Variants in EFR3B observed in about 807,000 individuals in gnomAD.
EFR3B encodes protein EFR3 homolog B.
A neutral mutation model predicts 104.7 loss-of-function variants in EFR3B; 64 were observed. The ratio of observed to expected loss-of-function variants is 0.61; its 90% CI spans 0.50 to 0.75. The LOEUF is 0.75. Among genes scored for constraint, EFR3B ranks in the 30% least tolerant of loss-of-function variants. The pLI is 0.00. For missense variants in EFR3B, 750 were observed against 1,078.5 expected, an observed-to-expected ratio of 0.70 and a Z score of 4.27; for synonymous variants, 385 against 417.9, an observed-to-expected ratio of 0.92 and a Z score of 0.96.
At position 25,145,035 on chromosome 2, in the gene EFR3B, G is replaced by C. The variant is rs1245535011; in HGVS notation, c.2126G>C (p.Ser709Thr). ...CAGGTGGAGGTAGAATCGAGGAACA[G>C]TCCGGAGAAGGAGGAGGTGAGTGTC... Reference protein sequence around the residue: ...SLQVEVESRNSPEKEERVPAE... With the variant: ...SLQVEVESRNTPEKEERVPAE... The change falls in exon 19 of 23, where the codon AGT (serine) becomes ACT (threonine). Residue 709 changes from serine (S) to threonine (T), a missense_variant. Physicochemically the swap from Ser to Thr is moderately conservative, Grantham distance 58. Transcript: ENST00000403714. 1 of 1,551,670 alleles carries C rather than the reference G, an allele frequency of 6.4e-7. No homozygotes were observed. Among genetic ancestry groups the C allele is most frequent in the African/African-American group, 1.4e-5 (1 of 73,066 alleles).
At chr2:25,076,357 CTGA>C (rs1031230084) in intron 1 of EFR3B, among the ~76,000 whole-genome samples, 10 of 152,042 alleles carry the variant, frequency 6.6e-5, no homozygotes, top group Admixed American at 3.9e-4. Flanking sequence ...CATAGTAATA[CTGA>C]TGATGATGAT....
In EFR3B at chr2:25,091,355, C is replaced by T; in HGVS notation, c.38C>T (p.Pro13Leu). Residue 13 changes from proline (P) to leucine (L), a missense_variant, in exon 2 of 23, where the codon CCC (proline) becomes CTC (leucine). Coordinates refer to ENST00000403714, the MANE Select transcript of EFR3B (RefSeq NM_014971.2). ...TGTGGCTGCTGTGGTGCCCTACGCC[C>T]CAGGTACAAAAGGCTGGTTGACAAC... The part of the protein sequence containing the change: ...GVCGCCGALR[P>L]RYKRLVDNIF... 1.3e-6 allele frequency: 2 copies of T among 1,550,018 alleles called. No individual in the cohort carries two copies. The highest frequency in any genetic ancestry group is 2.5e-5 in the East Asian group (1 of 40,648).
intron 4 of EFR3B, among the ~76,000 whole-genome samples, chr2:25,116,479 C>T (rs1050732992): frequency 6.6e-6 from 1 of 152,030 alleles, no homozygotes; most frequent in Non-Finnish European, 1.5e-5. Context: ...CAAAAATTAT[C>T]CAGGTGTGGT....
At chr2:25,071,549 G>C (rs2384078) in intron 1 of EFR3B, among the ~76,000 whole-genome samples, 28,455 of 152,100 alleles carry the variant, frequency 0.19, 2,842 homozygotes, top group East Asian at 0.25. Flanking sequence ...GTGAGCCACT[G>C]CACCCAGCCA....
chr2:25,100,744 G>A (rs1169368075), intron 3 of EFR3B, among the ~76,000 whole-genome samples: 3 of 152,106 alleles, frequency 2.0e-5, no homozygotes, highest in African/African-American at 7.2e-5. Flanking sequence ...TGCCCGCCTC[G>A]GCCTCCCAAA....
intron 4 of EFR3B, among the ~76,000 whole-genome samples, chr2:25,107,230 C>T (rs981223539): frequency 2.0e-5 from 3 of 152,134 alleles, no homozygotes; most frequent in African/African-American, 7.2e-5. Flanking sequence ...CAGATAGCCC[C>T]CAAGACCAGA....
intron 1 of EFR3B, among the ~76,000 whole-genome samples, chr2:25,079,680 G>A (rs1193935209): frequency 1.3e-5 from 2 of 152,110 alleles, no homozygotes; most frequent in Non-Finnish European, 2.9e-5. Flanking sequence ...AAGCAAATAA[G>A]ACTGGTTGCA....
chr2:25,120,970 CG>C (rs1361244665), intron 4 of EFR3B, among the ~76,000 whole-genome samples: 1 of 151,498 alleles, frequency 6.6e-6, no homozygotes, highest in Admixed American at 6.6e-5. Context: ...GGTGTGATCT[CG>C]GCTCACTACA....
chr2:25,047,443 A>G (rs886662619), intron 1 of EFR3B, among the ~76,000 whole-genome samples: 4 of 151,572 alleles, frequency 2.6e-5, no homozygotes, highest in Non-Finnish European at 4.4e-5. Context: ...AGCTGCCCCC[A>G]CTTTCCCTTC....
chr2:25,104,487 G>T (rs572349214), intron 4 of EFR3B, among the ~76,000 whole-genome samples: 12 of 152,152 alleles, frequency 7.9e-5, no homozygotes, highest in African/African-American at 2.9e-4. Context: ...TTTACTAATA[G>T]AATTTTTCCC....
At chr2:25,064,451 G>A (rs1668277951) in intron 1 of EFR3B, among the ~76,000 whole-genome samples, 1 of 152,164 alleles carries the variant, frequency 6.6e-6, no homozygotes, top group East Asian at 1.9e-4. Flanking sequence ...CTTTTTATAG[G>A]CTGCCTGCTG....
At chr2:25,128,069 T>G (rs1670214849) in intron 5 of EFR3B, 114 bp from the exon 6 acceptor site, 1 of 1,259,254 alleles carries the variant, frequency 7.9e-7, no homozygotes, top group African/African-American at 1.5e-5. Context: ...CATTCTGCCT[T>G]CTGATGGACA....
At chr2:25,091,731 TTGAG>T (rs1220886578) in intron 2 of EFR3B, among the ~76,000 whole-genome samples, 12 of 152,288 alleles carry the variant, frequency 7.9e-5, no homozygotes, top group African/African-American at 2.6e-4. Flanking sequence ...TGCTAACTCT[TTGAG>T]TGATCGTAGC....
chr2:25,115,040 A>G (rs1669820469), intron 4 of EFR3B, among the ~76,000 whole-genome samples: 1 of 152,182 alleles, frequency 6.6e-6, no homozygotes, highest in Non-Finnish European at 1.5e-5. Context: ...AATTAGCCGG[A>G]CATTGTGGCA....
intron 4 of EFR3B, among the ~76,000 whole-genome samples, chr2:25,117,327 C>CAG (rs1669889890): frequency 6.6e-6 from 1 of 152,100 alleles, no homozygotes; most frequent in Admixed American, 6.5e-5. Flanking sequence ...GTGTGGTCAG[C>CAG]AGCGCCCTGT....
intron 3 of EFR3B, among the ~76,000 whole-genome samples, chr2:25,095,829 G>A (rs1212320525): frequency 6.6e-6 from 1 of 152,074 alleles, no homozygotes; most frequent in African/African-American, 2.4e-5. Context: ...TTTTTATGTG[G>A]ATGTGTTACT....
intron 4 of EFR3B, among the ~76,000 whole-genome samples, chr2:25,110,961 C>A (rs1669710588): frequency 6.6e-6 from 1 of 152,192 alleles, no homozygotes. Flanking sequence ...TTGAAGAGGG[C>A]AGGTCAGTTG....
rs1293516278 is a variant in EFR3B at position 25,156,841 on chromosome 2, A to T, written c.*2501A>T. The T allele has an allele frequency of 6.6e-6, 1 of 152,194 alleles. No homozygotes were observed. The highest frequency in any genetic ancestry group is 1.5e-5 in the Non-Finnish European group (1 of 68,038). The allele number at this position is 152,194 out of a possible 1,614,324, so 9.4% of individuals were successfully genotyped here. ...AAAATTGAAATCTTGAGCCACAAAC[A>T]TGTTCTTTCCTCACTAGCTCCTCCC... On this transcript the variant is annotated 3_prime_UTR_variant, in exon 23 of 23. Coordinates refer to ENST00000403714, the MANE Select transcript of EFR3B (RefSeq NM_014971.2).
At chr2:25,132,514 C>T (rs914236350) in intron 10 of EFR3B, among the ~76,000 whole-genome samples, 5 of 152,166 alleles carry the variant, frequency 3.3e-5, no homozygotes, top group African/African-American at 1.2e-4. Context: ...AACCATTCTT[C>T]TCTCTTAGTT....
Sources: gnomAD v4.1 joint callset for allele counts (sites outside exome capture counted in the v4.1 genomes callset) on GRCh38, gnomAD v4.1.1 for gene constraint, MANE v1.5 for transcripts, NCBI Gene and HGNC (gene_info 2026-07-23, HGNC 2026-07-21) for gene names.